GHR: variants seen among roughly 807,000 people sequenced by gnomAD.
GHR encodes growth hormone receptor.
A neutral mutation model predicts 67.1 loss-of-function variants in GHR; 35 were observed. That is an observed-to-expected ratio of 0.52 (90% CI 0.40 to 0.69). GHR has a LOEUF of 0.69. Among genes scored for constraint, GHR ranks in the 30% least tolerant of loss-of-function variants. The pLI is 0.00. For missense variants in GHR, 792 were observed against 764.6 expected, an observed-to-expected ratio of 1.04 and a Z score of -0.42; for synonymous variants, 272 against 269.1, an observed-to-expected ratio of 1.01 and a Z score of -0.10.
intron 3 of GHR, among the ~76,000 whole-genome samples, chr5:42,682,076 A>G (rs1756910768): frequency 6.6e-6 from 1 of 152,218 alleles, no homozygotes; most frequent in South Asian, 2.1e-4. Flanking sequence ...ACACCATGGA[A>G]TACTATGCAG....
At chr5:42,578,743 C>T (rs1579981294) in intron 2 of GHR, among the ~76,000 whole-genome samples, 1 of 152,220 alleles carries the variant, frequency 6.6e-6, no homozygotes, top group East Asian at 1.9e-4. Context: ...TTCTCAGGGA[C>T]ACTACTGAAG....
chr5:42,668,878 C>A (rs138798772), intron 3 of GHR, among the ~76,000 whole-genome samples: 3 of 152,022 alleles, frequency 2.0e-5, no homozygotes, highest in Non-Finnish European at 2.9e-5. Context: ...GCATTTAATA[C>A]CCTGATAAAC....
At chr5:42,710,056 A>AG (rs1310861289) in intron 6 of GHR, among the ~76,000 whole-genome samples, 2 of 151,794 alleles carry the variant, frequency 1.3e-5, no homozygotes, top group Non-Finnish European at 2.9e-5. Context: ...TAAAAAAAAA[A>AG]CTTAAGAAAA....
At chr5:42,524,564 T>C (rs1747621415) in intron 1 of GHR, among the ~76,000 whole-genome samples, 1 of 152,132 alleles carries the variant, frequency 6.6e-6, no homozygotes, top group Non-Finnish European at 1.5e-5. Context: ...GGAAAACCCA[T>C]TTTTTGAGGA....
chr5:42,554,038 A>T (rs887228849), intron 1 of GHR, among the ~76,000 whole-genome samples: 6 of 152,154 alleles, frequency 3.9e-5, no homozygotes, highest in Admixed American at 2.0e-4. Context: ...TTGCCACAAA[A>T]GTTATATAGC....
chr5:42,647,866 C>T, intron 3 of GHR: 1 of 278,124 alleles, frequency 3.6e-6, no homozygotes, highest in Non-Finnish European at 7.1e-6. Context: ...CTTTAACACA[C>T]TGGTCCAGTG....
chr5:42,448,727 G>A (rs1743924231), intron 1 of GHR, among the ~76,000 whole-genome samples: 1 of 151,804 alleles, frequency 6.6e-6, no homozygotes, highest in Admixed American at 6.6e-5. Context: ...GTTGAGAAGA[G>A]TTTTTTTGAT....
intron 1 of GHR, among the ~76,000 whole-genome samples, chr5:42,554,415 G>A (rs4464707): frequency 2.6e-4 from 39 of 152,172 alleles, no homozygotes; most frequent in African/African-American, 9.4e-4. Flanking sequence ...AGTGAGTGTT[G>A]AGACGATCTG....
At chr5:42,551,161 G>A (rs762655915) in intron 1 of GHR, among the ~76,000 whole-genome samples, 1 of 152,188 alleles carries the variant, frequency 6.6e-6, no homozygotes, top group Non-Finnish European at 1.5e-5. Flanking sequence ...GGGATTATAA[G>A]TTGATGCAGT....
intron 2 of GHR, among the ~76,000 whole-genome samples, chr5:42,575,955 A>G (rs1335963239): frequency 6.6e-6 from 1 of 150,874 alleles, no homozygotes; most frequent in East Asian, 1.9e-4. Flanking sequence ...AATTGCTTGA[A>G]CCCAGGAGGC....
At chr5:42,710,774 A>G (rs1329557729) in intron 6 of GHR, among the ~76,000 whole-genome samples, 6 of 152,214 alleles carry the variant, frequency 3.9e-5, no homozygotes, top group African/African-American at 1.4e-4. Context: ...AAACACTGAT[A>G]TACAACTTGC....
chr5:42,693,645 G>C (rs982854829), intron 4 of GHR, among the ~76,000 whole-genome samples: 11 of 152,096 alleles, frequency 7.2e-5, no homozygotes, highest in African/African-American at 2.7e-4. Context: ...TCTTCTCCCA[G>C]CTTGGCATCC....
At chr5:42,541,208 A>G (rs191938775) in intron 1 of GHR, among the ~76,000 whole-genome samples, 106 of 152,286 alleles carry the variant, frequency 7.0e-4, no homozygotes, top group Non-Finnish European at 1.2e-3. Context: ...ATGATAAACA[A>G]GTAAATATAT....
chr5:42,719,362 A>G lies in GHR; in HGVS notation c.1855A>G (p.Lys619Glu), dbSNP rs761326985. The change falls in exon 10 of 10, where the codon AAA becomes GAA. Residue 619 changes from lysine (K) to glutamate (E), a missense_variant. Coordinates refer to ENST00000230882, the MANE Select transcript of GHR (RefSeq NM_000163.5). ...TGCGACTGCCTTGCCCTTGCCTGAC[A>G]AAGAGTTTCTCTCATCATGTGGCTA... ...LNATALPLPD[K>E]EFLSSCGYVS... The G allele has an allele frequency of 1.9e-6, 3 of 1,614,110 alleles. No homozygotes were observed. In the East Asian group the frequency reaches 6.7e-5, roughly 36 times the overall value.
At chr5:42,608,954 A>G (rs1254235648) in intron 2 of GHR, among the ~76,000 whole-genome samples, 1 of 152,130 alleles carries the variant, frequency 6.6e-6, no homozygotes, top group Non-Finnish European at 1.5e-5. Context: ...ATCAATCAAT[A>G]TTATATAATT....
intron 6 of GHR, among the ~76,000 whole-genome samples, chr5:42,703,434 T>C (rs1047529886): frequency 2.6e-5 from 4 of 152,062 alleles, no homozygotes; most frequent in African/African-American, 9.7e-5. Context: ...GCCAGTACCA[T>C]GCTGTTTTGA....
intron 1 of GHR, among the ~76,000 whole-genome samples, chr5:42,474,295 GAGAAAGAAAGAAAGAA>G (rs59927289): frequency 6.0e-4 from 49 of 81,116 alleles, no homozygotes; most frequent in African/African-American, 2.3e-3. Flanking sequence ...AAAAGAGAAA[GAGAAAGAAAGAAAGAA>G]AGAAAGAAAG....
chr5:42,689,541 A>G (rs2111662461), intron 4 of GHR, among the ~76,000 whole-genome samples: 1 of 152,294 alleles, frequency 6.6e-6, no homozygotes, highest in Non-Finnish European at 1.5e-5. Flanking sequence ...GACCAGAGAC[A>G]TAAGTGAAAC....
intron 1 of GHR, among the ~76,000 whole-genome samples, chr5:42,528,763 A>G (rs1747819740): frequency 6.6e-6 from 1 of 152,154 alleles, no homozygotes; most frequent in African/African-American, 2.4e-5. Context: ...GTCAAACTTT[A>G]CTGTTGCCTT....
Sources: allele counts gnomAD v4.1 joint callset (sites outside exome capture counted in the v4.1 genomes callset), GRCh38; gene constraint gnomAD v4.1.1; transcripts MANE v1.5; gene names NCBI Gene and HGNC (gene_info 2026-07-23, HGNC 2026-07-21).